The following MPP4 variants were observed in gnomAD, a reference collection of about 807,000 sequenced individuals.
The protein encoded by MPP4 is MAGUK p55 scaffold protein 4.
In MPP4, 91 loss-of-function variants were observed where a neutral mutation model predicts 98.3. The ratio of observed to expected loss-of-function variants is 0.93; its 90% confidence interval spans 0.78 to 1.10. The LOEUF (loss-of-function observed/expected upper bound fraction) is 1.10. Among genes scored for constraint, MPP4 ranks in the 50% least tolerant of loss-of-function variants. MPP4 has a pLI of 0.00. For synonymous variants in MPP4, 261 were observed against 271.8 expected (o/e 0.96, Z 0.39); for missense variants, 744 against 792.9 (o/e 0.94, Z 0.74).
intron 4 of MPP4, among the ~76,000 whole-genome samples, chr2:201,689,777 G>A (rs1392928048): frequency 1.3e-5 from 2 of 152,040 alleles, no homozygotes; most frequent in East Asian, 1.9e-4. Context: ...GGGGAAGATC[G>A]GGAGCTCAGT....
rs754666824 is a variant in MPP4, at chr2:201,656,278, C to A, written c.1220G>T (p.Ser407Ile). 7 of 1,589,426 alleles carry A rather than the reference C, an allele frequency of 4.4e-6. No homozygotes were observed. Among genetic ancestry groups the A allele is most frequent in the Non-Finnish European group, 5.1e-6 (6 of 1,167,714 alleles). ...CTCCTCGTAAGGGGCACCCACTGCA[C>A]TGTAGCAGCTGCCGGTGCAGCACAC... ...ASVCCTGSCYSAVGAPYEEVV... is the reference protein window; with the variant it reads ...ASVCCTGSCYIAVGAPYEEVV... Residue 407 changes from serine (S) to isoleucine (I), a missense_variant, in exon 17 of 22, where the codon AGT becomes ATT. Physicochemically the swap from Ser to Ile is moderately radical, Grantham distance 142. Coordinates refer to ENST00000409474, the MANE Select transcript of MPP4 (RefSeq NM_033066.3).
intron 14 of MPP4, among the ~76,000 whole-genome samples, chr2:201,660,880 C>T (rs1688006690): frequency 6.6e-6 from 1 of 152,106 alleles, no homozygotes; most frequent in Non-Finnish European, 1.5e-5. Context: ...ACAAAGCAAA[C>T]TGTTTTCTTT....
rs1375519101 is a variant in MPP4 at position 201,656,179 on chromosome 2, A to T, written c.1300+19T>A. On this transcript the variant is annotated intron_variant, in intron 17 of 21. Transcript: ENST00000409474. ...AGACTTCTCAAGGAGGAGGAGAGAC[A>T]GTGCATGCTGGGACATACCCATGAG... 8 of 1,581,906 alleles carry T rather than the reference A, an allele frequency of 5.1e-6. No individual in the cohort carries two copies. In the East Asian group the frequency reaches 1.8e-4, roughly 36 times the overall value.
intron 11 of MPP4, among the ~76,000 whole-genome samples, chr2:201,671,514 T>G (rs1453031731): frequency 6.6e-6 from 1 of 152,116 alleles, no homozygotes; most frequent in Non-Finnish European, 1.5e-5. Context: ...CCATCTCACA[T>G]GCAAAGACAC....
chr2:201,697,538 G>A (rs1326074116), intron 1 of MPP4, among the ~76,000 whole-genome samples: 3 of 152,180 alleles, frequency 2.0e-5, no homozygotes, highest in African/African-American at 7.2e-5. Flanking sequence ...GCAAGCACTT[G>A]GTATGTTCAG....
intron 19 of MPP4, 130 bp from the exon 20 acceptor site, chr2:201,649,814 G>T: frequency 2.8e-6 from 2 of 715,520 alleles, no homozygotes; most frequent in Non-Finnish European, 4.7e-6. Flanking sequence ...AGAATGAATA[G>T]ATATTCAAGA....
At chr2:201,678,294 C>T (rs1158639529) in intron 10 of MPP4, among the ~76,000 whole-genome samples, 3 of 152,092 alleles carry the variant, frequency 2.0e-5, no homozygotes, top group Non-Finnish European at 4.4e-5. Context: ...TGTTCATGTC[C>T]TTCAGCCCCC....
Position 201,694,011 on chromosome 2 carries a change from G to A in MPP4, c.-57C>T, listed in dbSNP as rs747881271. On this transcript the variant is annotated 5_prime_UTR_variant, in exon 2 of 22. Coordinates refer to ENST00000409474, the MANE Select transcript of MPP4 (RefSeq NM_033066.3). ...GGACTAGGAAGCGGGTCAATACACG[G>A]CACACAGCTCACTCAGTCCCACTGG... The A allele has an allele frequency of 3.7e-6, 6 of 1,613,348 alleles. No homozygotes were observed. The highest frequency in any genetic ancestry group is 5.1e-6 in the Non-Finnish European group (6 of 1,179,632).
intron 14 of MPP4, among the ~76,000 whole-genome samples, chr2:201,660,704 A>G (rs1688000666): frequency 6.6e-6 from 1 of 152,090 alleles, no homozygotes; most frequent in African/African-American, 2.4e-5. Flanking sequence ...TCTCTCCCCG[A>G]GGCAGTATTG....
rs1263547228 is a variant in MPP4 at position 201,690,188 on chromosome 2, T to C, written c.279+14A>G. The C allele has an allele frequency of 1.3e-6, 2 of 1,585,512 alleles. No homozygotes were observed. Among genetic ancestry groups the C allele is most frequent in the Non-Finnish European group, 1.7e-6 (2 of 1,158,802 alleles). On this transcript the variant is annotated intron_variant, in intron 4 of 21. Transcript: ENST00000409474. ...ATCAGAGCTCTACTATCCTGTGGAA[T>C]AAAATCTCCTTACCTCATAGGATAA...
At chr2:201,673,654 C>T (rs1688409415) in intron 11 of MPP4, 1 of 156,404 alleles carries the variant, frequency 6.4e-6, no homozygotes, top group African/African-American at 2.4e-5. Context: ...AATATGTGTT[C>T]ACCACTGGAA....
rs1688780756 is a variant in MPP4, at chr2:201,685,045, C to G, written c.574+19G>C. 1 of 1,606,062 alleles carries G rather than the reference C, an allele frequency of 6.2e-7. No individual in the cohort carries two copies. The highest frequency in any genetic ancestry group is 8.5e-7 in the Non-Finnish European group (1 of 1,175,992). On this transcript the variant is annotated intron_variant, in intron 7 of 21. Coordinates refer to ENST00000409474, the MANE Select transcript of MPP4 (RefSeq NM_033066.3). ...TCCTGTTTTTCTGGTAACTCTCAAT[C>G]CCAGCTGCTCCAGCTTACCACTTCT... is the stretch of plus-strand genomic sequence containing the variant.
chr2:201,649,478 C>T (rs10194353), intron 20 of MPP4, 98 bp downstream of exon 20: 53,284 of 825,402 alleles, frequency 0.065, 6,226 homozygotes, highest in East Asian at 0.44. Flanking sequence ...AAAAGGCTAA[C>T]AGAATAAATG....
chr2:201,679,686 T>C (rs1416256474), intron 10 of MPP4, among the ~76,000 whole-genome samples: 1 of 152,200 alleles, frequency 6.6e-6, no homozygotes, highest in Non-Finnish European at 1.5e-5. Flanking sequence ...GTTTCTCCCT[T>C]ATCATCAAAA....
intron 18 of MPP4, chr2:201,651,522 T>C (rs1367835399): frequency 5.1e-6 from 5 of 985,478 alleles, no homozygotes; most frequent in Non-Finnish European, 6.0e-6. Flanking sequence ...GAGGTATCCA[T>C]TTTAAGCTTA....
intron 4 of MPP4, among the ~76,000 whole-genome samples, chr2:201,687,662 A>G (rs1688878713): frequency 6.6e-6 from 1 of 152,246 alleles, no homozygotes; most frequent in South Asian, 2.1e-4. Flanking sequence ...TGGTAACAGC[A>G]TATGAACCAA....
At position 201,662,569 on chromosome 2, in the gene MPP4, C is replaced by T. The variant is rs1430898004; in HGVS notation, c.1072+1512G>A. 3.4e-5 allele frequency among the ~76,000 whole-genome samples: 5 copies of T among 149,136 alleles called. No individual in the cohort carries two copies. In the South Asian group the frequency reaches 6.4e-4, roughly 19 times the overall value. On this transcript the variant is annotated intron_variant, in intron 14 of 21. Transcript: ENST00000409474. ...CTTGGGCATAACATATTTGGAAGAC[C>T]TAAGAAACTACTAGATGCTTATATT...
In MPP4 at chr2:201,658,507, ACTC is replaced by A; in HGVS notation, c.1096_1098del (p.Glu366del). The A allele has an allele frequency of 6.2e-7, 1 of 1,613,030 alleles. No homozygotes were observed. Among genetic ancestry groups the A allele is most frequent in the Non-Finnish European group, 8.5e-7 (1 of 1,179,520 alleles). On this transcript the variant is annotated inframe_deletion, in exon 16 of 22. Coordinates refer to ENST00000409474, the MANE Select transcript of MPP4 (RefSeq NM_033066.3). Reference sequence around the variant, plus strand: ...AAGAACTTCTGACCGTAGCCAACAAACTCCTCCTTGTCTGAAACACAAAGAACA... The same window carrying A: ...AAGAACTTCTGACCGTAGCCAACAAACTCCTTGTCTGAAACACAAAGAACA...
chr2:201,664,068 AT>A lies in MPP4; in HGVS notation c.1072+12del. On this transcript the variant is annotated intron_variant, in intron 14 of 21. Transcript: ENST00000409474. ...ATTTAAAAATCAGTACCAAATACTCATTTTTTACTTACCAGATTCAAATGTT... is the reference window on the plus strand; with the variant it reads ...ATTTAAAAATCAGTACCAAATACTCATTTTTACTTACCAGATTCAAATGTT... The A allele has an allele frequency of 1.3e-6, 2 of 1,508,816 alleles. No homozygotes were observed. The highest frequency in any genetic ancestry group is 1.8e-6 in the Non-Finnish European group (2 of 1,113,186). 93.5% of individuals were successfully genotyped at this position (1,508,816 alleles called of 1,614,324 possible). A position where few individuals can be genotyped will look rare whatever the true frequency, so the allele number is the denominator to read the frequency against.
Sources: allele counts gnomAD v4.1 joint callset (sites outside exome capture counted in the v4.1 genomes callset), GRCh38; gene constraint gnomAD v4.1.1; transcripts MANE v1.5; gene names NCBI Gene and HGNC (gene_info 2026-07-23, HGNC 2026-07-21).